Variants in P2RX5 observed in about 807,000 individuals in gnomAD.
The protein encoded by P2RX5 is P2X purinoceptor 5.
In P2RX5, 46 loss-of-function variants were observed where a neutral mutation model predicts 54.1. The observed-to-expected ratio is 0.85, with a 90% CI of 0.67 to 1.09. P2RX5 has a LOEUF of 1.09. Ranked by LOEUF, P2RX5 falls within the 50% of genes least tolerant of loss-of-function variation. P2RX5 has a pLI of 0.00. For missense variants in P2RX5, 566 were observed against 549.8 expected, an observed-to-expected ratio of 1.03 and a Z score of -0.29; for synonymous variants, 226 against 226.4, an observed-to-expected ratio of 1.00 and a Z score of 0.02.
the P2RX5 span, among the ~76,000 whole-genome samples, chr17:3,707,654 C>A: frequency 5.3e-5 from 8 of 152,042 alleles, no homozygotes; most frequent in Non-Finnish European, 1.2e-4. Flanking sequence ...TCCAGACCCC[C>A]CTCTCGGCCC....
At chr17:3,722,548 C>T in the P2RX5 span, 1 of 151,790 alleles carries the variant, frequency 6.6e-6, no homozygotes, top group East Asian at 1.9e-4. Context: ...TACGTCAGGA[C>T]CTAGAGGAAG....
upstream of P2RX5, among the ~76,000 whole-genome samples, chr17:3,699,676 A>T (rs1210921270): frequency 6.7e-6 from 1 of 150,204 alleles, no homozygotes; most frequent in Non-Finnish European, 1.5e-5. Flanking sequence ...CTGGTGGCAC[A>T]CGCCTATAGT....
At chr17:3,677,301 G>T (rs1426122707) in intron 11 of P2RX5, 1 of 985,334 alleles carries the variant, frequency 1.0e-6, no homozygotes, top group Non-Finnish European at 1.2e-6. Flanking sequence ...GGGTCAAGGC[G>T]ACTGTATCTC....
the P2RX5 span, chr17:3,716,902 C>T: frequency 1.1e-4 from 71 of 666,680 alleles, no homozygotes; most frequent in Non-Finnish European, 1.7e-4. Flanking sequence ...GGCAACAACC[C>T]GTGTATTGAT....
rs545621657 is a variant in P2RX5, at chr17:3,681,799, A to T, written c.1064+97T>A. 50 of 828,404 alleles carry T rather than the reference A, an allele frequency of 6.0e-5. No homozygotes were observed. The African/African-American group carries it at 6.3e-4, about 11-fold the overall frequency. 51.3% of individuals were successfully genotyped at this position (828,404 alleles called of 1,614,324 possible). A position where few individuals can be genotyped will look rare whatever the true frequency, so the allele number is the denominator to read the frequency against. On this transcript the variant is annotated intron_variant, in intron 10 of 11. Coordinates refer to ENST00000225328, the MANE Select transcript of P2RX5 (RefSeq NM_002561.4). Reference sequence around the variant, plus strand: ...CCGGGCCCTCCAGCCCCTGCCTCCCACCCCAGCCATCAATATCACATCAGG... The same window carrying T: ...CCGGGCCCTCCAGCCCCTGCCTCCCTCCCCAGCCATCAATATCACATCAGG...
intron 9 of P2RX5, 62 bp from the exon 10 acceptor site, chr17:3,682,040 C>T (rs2050299191): frequency 5.2e-6 from 6 of 1,147,644 alleles, no homozygotes; most frequent in Non-Finnish European, 7.9e-6. Flanking sequence ...TCATTTAGGG[C>T]ACTTTGCCCC....
chr17:3,689,389 C>T (rs2050537758), intron 7 of P2RX5, 103 bp downstream of exon 7: 2 of 1,311,412 alleles, frequency 1.5e-6, no homozygotes, highest in South Asian at 2.4e-5. Context: ...CTTTGCAGGG[C>T]CACCCTCGCC....
the P2RX5 span, among the ~76,000 whole-genome samples, chr17:3,701,645 TCACACCATTG>T: frequency 7.6e-6 from 1 of 131,350 alleles, no homozygotes; most frequent in Non-Finnish European, 1.5e-5. Context: ...TGAGCAGAGT[TCACACCATTG>T]CACACTCCAG....
At chr17:3,707,824 C>T in the P2RX5 span, among the ~76,000 whole-genome samples, 203 of 152,028 alleles carry the variant, frequency 1.3e-3, 1 homozygote, top group Non-Finnish European at 2.5e-3. Flanking sequence ...TTTGGGAGGC[C>T]GAGGCAGGTG....
intron 11 of P2RX5, among the ~76,000 whole-genome samples, chr17:3,679,217 C>A (rs1199346961): frequency 6.6e-6 from 1 of 152,224 alleles, no homozygotes; most frequent in East Asian, 1.9e-4. Flanking sequence ...TCAGCTTCCT[C>A]ATTTGTAAAA....
At chr17:3,693,229 A>G (rs551198531) in intron 1 of P2RX5, among the ~76,000 whole-genome samples, 14 of 152,262 alleles carry the variant, frequency 9.2e-5, no homozygotes, top group African/African-American at 3.1e-4. Context: ...ACAAATCAAA[A>G]CCACAATAAA....
At chr17:3,714,911 AGTT>A in the P2RX5 span, 3 of 1,609,340 alleles carry the variant, frequency 1.9e-6, no homozygotes, top group Non-Finnish European at 8.5e-7. Flanking sequence ...CTCCAAGTTC[AGTT>A]GTTGATATTT....
chr17:3,673,382 G>A lies in P2RX5; in HGVS notation c.*486C>T. On this transcript the variant is annotated 3_prime_UTR_variant, in exon 12 of 12. Transcript: ENST00000225328. Reference sequence around the variant, plus strand: ...GCTGGCAGGAAGGTGGTGTCTTTAGGAGAGAGAGTACTTGGATCCACTGGA... The same window carrying A: ...GCTGGCAGGAAGGTGGTGTCTTTAGAAGAGAGAGTACTTGGATCCACTGGA... 2 of 1,035,208 alleles carry A rather than the reference G, an allele frequency of 1.9e-6. No homozygotes were observed. Among genetic ancestry groups the A allele is most frequent in the Non-Finnish European group, 2.3e-6 (2 of 859,224 alleles). The allele number at this position is 1,035,208 out of a possible 1,614,324, so 64.1% of individuals were successfully genotyped here. A position where few individuals can be genotyped will look rare whatever the true frequency, so the allele number is the denominator to read the frequency against.
rs1247469544 is a variant in P2RX5, at chr17:3,673,484, G to A, written c.*384C>T. ...CCAAATGGAGCCCTTTTCCGGACAC[G>A]CACAATGCTATTCCCAGTGAGGTAA... On this transcript the variant is annotated 3_prime_UTR_variant, in exon 12 of 12. Transcript: ENST00000225328. The A allele has an allele frequency of 1.8e-6, 2 of 1,141,706 alleles. No homozygotes were observed. The highest frequency in any genetic ancestry group is 2.2e-6 in the Non-Finnish European group (2 of 921,786). The allele number at this position is 1,141,706 out of a possible 1,614,324, so 70.7% of individuals were successfully genotyped here.
chr17:3,680,871 C>A (rs1236203985), intron 10 of P2RX5, among the ~76,000 whole-genome samples: 18 of 144,622 alleles, frequency 1.2e-4, no homozygotes, highest in African/African-American at 4.8e-4. Context: ...GAGTCCTCCA[C>A]CCAGTGTCCT....
chr17:3,705,818 T>C, the P2RX5 span, among the ~76,000 whole-genome samples: 1 of 152,130 alleles, frequency 6.6e-6, no homozygotes, highest in Non-Finnish European at 1.5e-5. Flanking sequence ...TTTTTTGAGA[T>C]GGTGTCTCAC....
At chr17:3,693,018 G>C (rs182267137) in intron 1 of P2RX5, among the ~76,000 whole-genome samples, 1 of 151,672 alleles carries the variant, frequency 6.6e-6, no homozygotes, top group African/African-American at 2.4e-5. Flanking sequence ...AAATAATGTA[G>C]CTGGTAAGGG....
At chr17:3,723,166 T>C in the P2RX5 span, 1 of 726,866 alleles carries the variant, frequency 1.4e-6, no homozygotes, top group East Asian at 2.7e-5. Flanking sequence ...AGGGTTGGTT[T>C]TTTGCACCAA....
the P2RX5 span, chr17:3,720,595 T>C: frequency 2.3e-6 from 1 of 441,356 alleles, no homozygotes; most frequent in Non-Finnish European, 4.0e-6. Flanking sequence ...TTTTTTTTTT[T>C]TTTTGAGATG....
Sources: allele counts gnomAD v4.1 joint callset (sites outside exome capture counted in the v4.1 genomes callset), GRCh38; gene constraint gnomAD v4.1.1; transcripts MANE v1.5; gene names NCBI Gene and HGNC (gene_info 2026-07-23, HGNC 2026-07-21).